The following MMP16 variants were observed in gnomAD, a reference collection of about 807,000 sequenced individuals.
MMP16 encodes the protein matrix metalloproteinase-16.
MMP16 carries 12 observed loss-of-function variants against 67.8 expected under a neutral mutation model. The ratio of observed to expected loss-of-function variants is 0.18; its 90% CI spans 0.11 to 0.29. The LOEUF is 0.29. Ranked by LOEUF, MMP16 falls within the 10% of genes least tolerant of loss-of-function variation. MMP16 has a pLI of 1.00. For missense variants in MMP16, 475 were observed against 765.7 expected (o/e 0.62, Z 4.48); for synonymous variants, 249 against 255.9 (o/e 0.97, Z 0.26).
intron 7 of MMP16, among the ~76,000 whole-genome samples, chr8:88,072,746 C>T (rs982071057): frequency 2.0e-5 from 3 of 152,094 alleles, no homozygotes; most frequent in African/African-American, 7.2e-5. Flanking sequence ...TAAAATGATA[C>T]GCAGGAAAAT....
At chr8:88,256,663 A>C (rs539856326) in intron 1 of MMP16, among the ~76,000 whole-genome samples, 24 of 142,066 alleles carry the variant, frequency 1.7e-4, no homozygotes, top group East Asian at 4.4e-4. Context: ...TAATCACCCC[A>C]TCTCTCTCTC....
chr8:88,234,151 T>A (rs1809905256), intron 1 of MMP16, among the ~76,000 whole-genome samples: 1 of 152,174 alleles, frequency 6.6e-6, no homozygotes, highest in Non-Finnish European at 1.5e-5. Context: ...AAACCATACA[T>A]CACTTAAGAG....
chr8:88,207,654 T>C (rs1809450591), intron 1 of MMP16, among the ~76,000 whole-genome samples: 1 of 151,276 alleles, frequency 6.6e-6, no homozygotes, highest in South Asian at 2.1e-4. Flanking sequence ...TGAGGCTACC[T>C]GTCATTTCAA....
At chr8:88,084,298 A>C (rs545085213) in intron 6 of MMP16, among the ~76,000 whole-genome samples, 1 of 152,088 alleles carries the variant, frequency 6.6e-6, no homozygotes, top group African/African-American at 2.4e-5. Context: ...TAGAAGCAAA[A>C]CTTGTTAGGC....
chr8:88,229,664 G>A (rs989530671), intron 1 of MMP16, among the ~76,000 whole-genome samples: 1 of 151,834 alleles, frequency 6.6e-6, no homozygotes, highest in South Asian at 2.1e-4. Flanking sequence ...CAGTGAAGGG[G>A]CCACAGCTAT....
intron 1 of MMP16, among the ~76,000 whole-genome samples, chr8:88,309,121 C>T (rs189884043): frequency 5.9e-5 from 9 of 152,106 alleles, no homozygotes; most frequent in Admixed American, 6.6e-5. Flanking sequence ...TAGCCCTTAA[C>T]GCAGTAATTC....
intron 4 of MMP16, among the ~76,000 whole-genome samples, chr8:88,166,982 G>T (rs1419188384): frequency 6.6e-6 from 1 of 151,702 alleles, no homozygotes; most frequent in African/African-American, 2.4e-5. Flanking sequence ...GGATCACCTC[G>T]TGAGAGTGGA....
At chr8:88,103,940 C>T (rs939001307) in intron 6 of MMP16, among the ~76,000 whole-genome samples, 5 of 151,826 alleles carry the variant, frequency 3.3e-5, no homozygotes, top group Admixed American at 2.6e-4. Context: ...GACACCTTTG[C>T]TAGCCAGGTT....
chr8:88,313,441 C>T (rs1311453974), intron 1 of MMP16, among the ~76,000 whole-genome samples: 2 of 152,060 alleles, frequency 1.3e-5, no homozygotes, highest in Non-Finnish European at 2.9e-5. Context: ...ATTATTTGCT[C>T]CTCTATATGA....
At chr8:88,269,232 AC>A (rs1354159240) in intron 1 of MMP16, among the ~76,000 whole-genome samples, 17 of 152,168 alleles carry the variant, frequency 1.1e-4, no homozygotes, top group African/African-American at 4.1e-4. Flanking sequence ...ACTATGTAGT[AC>A]CTCAAAATGG....
rs369280698 is a variant in MMP16 at position 88,257,681 on chromosome 8, G to C, written c.133-60375C>G. On this transcript the variant is annotated intron_variant, in intron 1 of 9. Coordinates refer to ENST00000286614, the MANE Select transcript of MMP16 (RefSeq NM_005941.5). ...TGTTCACCAATGCATTATAAGCATG[G>C]AGTATAAACACTATGCATTGAACAA... Among the ~76,000 whole-genome samples, 175 of 152,284 alleles carry C rather than the reference G, an allele frequency of 1.1e-3. 2 individuals are homozygous for C. The highest frequency in any genetic ancestry group is 3.5e-3 in the African/African-American group (144 of 41,564).
chr8:88,060,740 C>G (rs1201274796), intron 7 of MMP16, among the ~76,000 whole-genome samples: 3 of 152,070 alleles, frequency 2.0e-5, no homozygotes, highest in Non-Finnish European at 4.4e-5. Context: ...GTGTGAATAA[C>G]TTGAGGAAAA....
chr8:88,213,092 T>C (rs1044413255), intron 1 of MMP16, among the ~76,000 whole-genome samples: 2 of 152,158 alleles, frequency 1.3e-5, no homozygotes, highest in East Asian at 1.9e-4. Flanking sequence ...TTTTAAAAGA[T>C]GGCCTAAAAC....
At chr8:88,123,851 C>T (rs1807882019) in intron 4 of MMP16, among the ~76,000 whole-genome samples, 1 of 151,902 alleles carries the variant, frequency 6.6e-6, no homozygotes, top group African/African-American at 2.4e-5. Flanking sequence ...ACTGCTCTTC[C>T]ATGGAGCCTC....
At chr8:88,287,615 T>C (rs1010677699) in intron 1 of MMP16, among the ~76,000 whole-genome samples, 3 of 152,174 alleles carry the variant, frequency 2.0e-5, no homozygotes, top group African/African-American at 7.2e-5. Context: ...ACCCAATAAA[T>C]ATGTATCAAA....
chr8:88,136,151 G>T (rs569965550), intron 4 of MMP16, among the ~76,000 whole-genome samples: 1 of 151,864 alleles, frequency 6.6e-6, no homozygotes, highest in Non-Finnish European at 1.5e-5. Context: ...TAAAGTAGAG[G>T]TTAAATAAAA....
At chr8:88,145,222 G>T (rs1405516232) in intron 4 of MMP16, among the ~76,000 whole-genome samples, 2 of 151,916 alleles carry the variant, frequency 1.3e-5, no homozygotes, top group Non-Finnish European at 2.9e-5. Flanking sequence ...AGGCTATATG[G>T]TATAGCCTGT....
chr8:88,175,382 T>C (rs1808870670), intron 3 of MMP16, among the ~76,000 whole-genome samples: 1 of 152,234 alleles, frequency 6.6e-6, no homozygotes, highest in Admixed American at 6.5e-5. Flanking sequence ...CAGATTTTAC[T>C]TATTAATTTA....
At chr8:88,309,595 T>C (rs948042052) in intron 1 of MMP16, among the ~76,000 whole-genome samples, 2 of 152,026 alleles carry the variant, frequency 1.3e-5, no homozygotes, top group African/African-American at 2.4e-5. Context: ...TTACTCCTAA[T>C]ATGATCCTAT....
Sources: gnomAD v4.1 joint callset for allele counts (sites outside exome capture counted in the v4.1 genomes callset) on GRCh38, gnomAD v4.1.1 for gene constraint, MANE v1.5 for transcripts, NCBI Gene and HGNC (gene_info 2026-07-23, HGNC 2026-07-21) for gene names.